GPC5: variants seen among roughly 807,000 people sequenced by gnomAD.
GPC5 encodes glypican 5, also known as glypican-5.
Under a neutral mutation model 53.9 loss-of-function variants are expected in GPC5, and 47 were observed. The ratio of observed to expected loss-of-function variants is 0.87; its 90% confidence interval spans 0.69 to 1.11. The LOEUF (loss-of-function observed/expected upper bound fraction) is 1.11, where lower values mean the gene tolerates loss of function less well. Among genes scored for constraint, GPC5 ranks in the 50% most tolerant of loss-of-function variants. The pLI is 0.00. For synonymous variants in GPC5, 286 were observed against 263.3 expected (o/e 1.09, Z -0.84); for missense variants, 748 against 713.1 (o/e 1.05, Z -0.56).
intron 1 of GPC5, among the ~76,000 whole-genome samples, chr13:91,432,209 G>GCTGCTGC (rs1196894187): frequency 9.5e-6 from 1 of 105,650 alleles, no homozygotes; most frequent in East Asian, 2.4e-4. Flanking sequence ...GCTGCTGTGT[G>GCTGCTGC]TGTGTGTGTG....
chr13:92,642,569 T>C (rs1466847667), intron 7 of GPC5, among the ~76,000 whole-genome samples: 2 of 152,228 alleles, frequency 1.3e-5, no homozygotes, highest in African/African-American at 4.8e-5. Context: ...CTAAATCGTG[T>C]GAGGCCGTTA....
chr13:92,558,027 A>C (rs917020078), intron 7 of GPC5, among the ~76,000 whole-genome samples: 3 of 152,048 alleles, frequency 2.0e-5, no homozygotes, highest in African/African-American at 7.2e-5. Flanking sequence ...TCATGAGAGC[A>C]ACAAGATGGG....
chr13:92,023,121 C>A (rs1277980151), intron 6 of GPC5, among the ~76,000 whole-genome samples: 1 of 151,994 alleles, frequency 6.6e-6, no homozygotes, highest in Non-Finnish European at 1.5e-5. Context: ...AAAGTGATGA[C>A]AGTGTTAAGT....
intron 7 of GPC5, among the ~76,000 whole-genome samples, chr13:92,704,204 T>A (rs1887864080): frequency 6.6e-6 from 1 of 152,026 alleles, no homozygotes; most frequent in South Asian, 2.1e-4. Context: ...TTTCCTAAGC[T>A]TTTATGTTTC....
chr13:91,780,211 G>T (rs1245045503), intron 5 of GPC5, among the ~76,000 whole-genome samples: 1 of 152,168 alleles, frequency 6.6e-6, no homozygotes, highest in Non-Finnish European at 1.5e-5. Flanking sequence ...ACATTGTTAT[G>T]CAGTGAATGA....
At chr13:91,586,563 TAGAGAGAGAGAG>T (rs3055914) in intron 2 of GPC5, among the ~76,000 whole-genome samples, 2 of 41,992 alleles carry the variant, frequency 4.8e-5, no homozygotes, top group Non-Finnish European at 9.8e-5. Flanking sequence ...TATATATATG[TAGAGAGAGAGAG>T]AGAGAGAGAG....
At position 92,206,165 on chromosome 13, in the gene GPC5, TTA is replaced by T. The variant is rs1491025928; in HGVS notation, c.1561+61178_1561+61179del. ...TGTTGTGTTTTTTTTATTTTTTTTT[TTA>T]TTTTTTTTTTTTTTTTGAGACAGAG... On this transcript the variant is annotated intron_variant, in intron 7 of 7. Coordinates refer to ENST00000377067, the MANE Select transcript of GPC5 (RefSeq NM_004466.6). Among the ~76,000 whole-genome samples the T allele has an allele frequency of 2.6e-3, 166 of 64,802 alleles. 4 individuals are homozygous for T. Among genetic ancestry groups the T allele is most frequent in the Middle Eastern group, 0.024 (3 of 124 alleles). 42.5% of individuals were successfully genotyped at this position (64,802 alleles called of 152,430 possible).
intron 7 of GPC5, among the ~76,000 whole-genome samples, chr13:92,299,566 T>C (rs540992331): frequency 6.6e-6 from 1 of 152,292 alleles, no homozygotes; most frequent in South Asian, 2.1e-4. Flanking sequence ...TACAAAAAAA[T>C]TATGTAGATA....
At chr13:92,748,551 G>T (rs992363589) in intron 7 of GPC5, among the ~76,000 whole-genome samples, 1 of 151,784 alleles carries the variant, frequency 6.6e-6, no homozygotes, top group African/African-American at 2.4e-5. Context: ...TTGAACTCCT[G>T]ACCTTGTGAT....
At chr13:92,069,637 A>C (rs1481612744) in intron 6 of GPC5, among the ~76,000 whole-genome samples, 1 of 152,050 alleles carries the variant, frequency 6.6e-6, no homozygotes, top group East Asian at 1.9e-4. Context: ...TAACTTTGTA[A>C]ACTGACTTGG....
At chr13:91,997,549 C>T (rs1034525743) in intron 6 of GPC5, among the ~76,000 whole-genome samples, 6 of 152,272 alleles carry the variant, frequency 3.9e-5, no homozygotes, top group Admixed American at 6.5e-5. Flanking sequence ...GACAGAGTCT[C>T]GCTCTGTCAC....
chr13:92,035,022 A>C (rs182173641), intron 6 of GPC5, among the ~76,000 whole-genome samples: 2 of 152,286 alleles, frequency 1.3e-5, no homozygotes, highest in African/African-American at 4.8e-5. Context: ...TTTCATAACT[A>C]ATATTGAAAT....
At chr13:92,717,616 G>A (rs1933192) in intron 7 of GPC5, among the ~76,000 whole-genome samples, 22,975 of 152,060 alleles carry the variant, frequency 0.15, 1,830 homozygotes, top group Admixed American at 0.18. Context: ...GAAGTCATCA[G>A]CTTCATTAAA....
At chr13:92,640,229 A>T (rs1346846605) in intron 7 of GPC5, among the ~76,000 whole-genome samples, 1 of 151,970 alleles carries the variant, frequency 6.6e-6, no homozygotes, top group African/African-American at 2.4e-5. Flanking sequence ...ATACCTTAAG[A>T]CCCATAAGTG....
At chr13:91,957,637 G>A (rs1411024397) in intron 6 of GPC5, among the ~76,000 whole-genome samples, 1 of 152,070 alleles carries the variant, frequency 6.6e-6, no homozygotes, top group Non-Finnish European at 1.5e-5. Context: ...AGGAGAGAAT[G>A]GGATGATATA....
intron 6 of GPC5, among the ~76,000 whole-genome samples, chr13:91,921,554 C>A (rs1226329676): frequency 1.3e-5 from 2 of 152,086 alleles, no homozygotes; most frequent in East Asian, 3.9e-4. Context: ...TTATAAATTA[C>A]AGGATATCAA....
chr13:92,648,319 C>T (rs1228141411), intron 7 of GPC5, among the ~76,000 whole-genome samples: 3 of 152,016 alleles, frequency 2.0e-5, no homozygotes, highest in Admixed American at 6.6e-5. Context: ...TCAGTCTTTG[C>T]AATGCATCTA....
chr13:92,798,671 C>T (rs574627193), intron 7 of GPC5, among the ~76,000 whole-genome samples: 13 of 151,922 alleles, frequency 8.6e-5, no homozygotes, highest in Non-Finnish European at 1.5e-5. Flanking sequence ...GTATGATTCT[C>T]TTGCTGTTAT....
At chr13:91,748,585 C>A (rs1319860078) in intron 4 of GPC5, among the ~76,000 whole-genome samples, 5 of 152,142 alleles carry the variant, frequency 3.3e-5, no homozygotes, top group Non-Finnish European at 1.5e-5. Context: ...ATCCTGGAGA[C>A]ATGAGGAAGA....
Sources: allele counts gnomAD v4.1 joint callset (sites outside exome capture counted in the v4.1 genomes callset), GRCh38; gene constraint gnomAD v4.1.1; transcripts MANE v1.5; gene names NCBI Gene and HGNC (gene_info 2026-07-23, HGNC 2026-07-21).